The following PCTP variants were observed in gnomAD, a reference collection of about 807,000 sequenced individuals.
The protein encoded by PCTP is START domain-containing protein 2.
Under a neutral mutation model 31.0 loss-of-function variants are expected in PCTP, and 27 were observed. The observed-to-expected ratio is 0.87, with a 90% confidence interval of 0.64 to 1.20. The LOEUF (loss-of-function observed/expected upper bound fraction) is 1.20, where lower values mean the gene tolerates loss of function less well. Among genes scored for constraint, PCTP ranks in the 50% most tolerant of loss-of-function variants. The pLI is 0.00. For synonymous variants in PCTP, 108 were observed against 101.2 expected (o/e 1.07, Z -0.40); for missense variants, 287 against 268.2 (o/e 1.07, Z -0.49).
chr17:55,819,757 C>A (rs1913053184), intron 3 of PCTP, among the ~76,000 whole-genome samples: 1 of 152,070 alleles, frequency 6.6e-6, no homozygotes, highest in African/African-American at 2.4e-5. Context: ...AAATAGCTTA[C>A]TACAAATAAC....
downstream of PCTP, among the ~76,000 whole-genome samples, chr17:55,780,283 T>C (rs570258157): frequency 2.0e-5 from 3 of 152,288 alleles, no homozygotes; most frequent in South Asian, 2.1e-4. Context: ...GATATAATAA[T>C]GGAACAACAA....
intron 3 of PCTP, among the ~76,000 whole-genome samples, chr17:55,788,691 A>T (rs1156566932): frequency 6.6e-6 from 1 of 152,190 alleles, no homozygotes; most frequent in Non-Finnish European, 1.5e-5. Flanking sequence ...TTCATTACTG[A>T]ATTAAGGTGA....
chr17:55,829,725 C>G (rs1321727936), intron 5 of PCTP, among the ~76,000 whole-genome samples: 1 of 151,872 alleles, frequency 6.6e-6, no homozygotes, highest in Non-Finnish European at 1.5e-5. Flanking sequence ...CACACACCCT[C>G]TACAAGCTTG....
intron 3 of PCTP, chr17:55,822,733 C>T: frequency 1.6e-6 from 2 of 1,214,334 alleles, no homozygotes; most frequent in Non-Finnish European, 2.1e-6. Context: ...TTACTCTCAT[C>T]CTTTGCTCTT....
chr17:55,768,913 T>C (rs774478354), intron 2 of PCTP: 2 of 152,196 alleles, frequency 1.3e-5, no homozygotes, highest in Non-Finnish European at 2.9e-5. Context: ...TAGTCAAGAC[T>C]CTTGGTTGCA....
chr17:55,838,854 G>A (rs1006559732), intron 5 of PCTP, among the ~76,000 whole-genome samples: 1 of 152,160 alleles, frequency 6.6e-6, no homozygotes, highest in South Asian at 2.1e-4. Flanking sequence ...AACCTATCCA[G>A]TATTAAAAAG....
At chr17:55,786,944 A>G (rs1026429193) in intron 2 of PCTP, among the ~76,000 whole-genome samples, 2 of 152,036 alleles carry the variant, frequency 1.3e-5, no homozygotes, top group African/African-American at 4.8e-5. Flanking sequence ...TCCCACATTC[A>G]TGAGAAAATA....
intron 3 of PCTP, among the ~76,000 whole-genome samples, chr17:55,772,723 T>G (rs1911081700): frequency 6.6e-6 from 1 of 152,236 alleles, no homozygotes; most frequent in Non-Finnish European, 1.5e-5. Flanking sequence ...AAATTCTGTT[T>G]TATGAAAGTG....
chr17:55,768,694 C>G (rs915658317), intron 2 of PCTP, among the ~76,000 whole-genome samples: 1 of 152,196 alleles, frequency 6.6e-6, no homozygotes, highest in Non-Finnish European at 1.5e-5. Flanking sequence ...TCTTCTACTA[C>G]TAGGCGAACT....
At chr17:55,850,417 T>C in the PCTP span, among the ~76,000 whole-genome samples, 1 of 152,250 alleles carries the variant, frequency 6.6e-6, no homozygotes, top group Admixed American at 6.5e-5. Context: ...ATATATATGA[T>C]ATGATATGTA....
At chr17:55,824,818 T>C, downstream of PCTP, among the ~76,000 whole-genome samples, 1 of 152,186 alleles carries the variant, frequency 6.6e-6, no homozygotes, top group East Asian at 1.9e-4. Flanking sequence ...TAGCCACAGA[T>C]TCCTTGGTAC....
chr17:55,846,439 G>A (rs28522535), downstream of PCTP, among the ~76,000 whole-genome samples: 40,042 of 152,012 alleles, frequency 0.26, 7,573 homozygotes, highest in African/African-American at 0.53. Flanking sequence ...GAAATTACAA[G>A]TAGAGGTGAG....
At chr17:55,846,882 A>G (rs1389318562), downstream of PCTP, among the ~76,000 whole-genome samples, 3 of 152,130 alleles carry the variant, frequency 2.0e-5, no homozygotes, top group African/African-American at 7.2e-5. Context: ...CTCAAGAGTC[A>G]TTTTTCCCAC....
At chr17:55,781,988 A>G (rs182104662), downstream of PCTP, among the ~76,000 whole-genome samples, 1 of 152,284 alleles carries the variant, frequency 6.6e-6, no homozygotes, top group East Asian at 1.9e-4. Flanking sequence ...GGAGGCCGAG[A>G]AGTCCCAAAA....
At chr17:55,770,544 A>T (rs934351642) in intron 2 of PCTP, 1 of 152,214 alleles carries the variant, frequency 6.6e-6, no homozygotes, top group Admixed American at 6.5e-5. Context: ...AATATTGATT[A>T]TGCTATAGAA....
chr17:55,787,122 C>T (rs1271091999), intron 2 of PCTP, among the ~76,000 whole-genome samples: 4 of 151,686 alleles, frequency 2.6e-5, no homozygotes, highest in African/African-American at 9.7e-5. Context: ...TACCTCCGAA[C>T]ATCGATCGTC....
intron 3 of PCTP, among the ~76,000 whole-genome samples, chr17:55,772,259 A>T (rs374429038): frequency 4.0e-5 from 6 of 151,230 alleles, no homozygotes; most frequent in Non-Finnish European, 8.9e-5. Flanking sequence ...AGACTGTCCA[A>T]TGTGAGGGTG....
chr17:55,839,259 A>G (rs981264134), intron 5 of PCTP, among the ~76,000 whole-genome samples: 1 of 152,156 alleles, frequency 6.6e-6, no homozygotes, highest in African/African-American at 2.4e-5. Context: ...GAGATGAGGT[A>G]TGCAAAGTCT....
intron 5 of PCTP, 107 bp downstream of exon 5, chr17:55,774,966 G>C: frequency 1.7e-6 from 2 of 1,211,620 alleles, no homozygotes; most frequent in Non-Finnish European, 2.4e-6. Context: ...TGTCTCAGGC[G>C]TAATGAGGCT....
Sources: allele counts gnomAD v4.1 joint callset (sites outside exome capture counted in the v4.1 genomes callset), GRCh38; gene constraint gnomAD v4.1.1; transcripts MANE v1.5; gene names NCBI Gene and HGNC (gene_info 2026-07-23, HGNC 2026-07-21).